The following MEI4 variants were observed in gnomAD, a reference collection of about 807,000 sequenced individuals.
MEI4 encodes the protein meiotic double-stranded break formation protein 4.
Under a neutral mutation model 31.4 loss-of-function variants are expected in MEI4, and 27 were observed. The ratio of observed to expected loss-of-function variants is 0.86; its 90% confidence interval spans 0.63 to 1.19. MEI4 has a LOEUF of 1.19. Ranked by LOEUF, MEI4 falls within the 50% of genes most tolerant of loss-of-function variation. MEI4 has a pLI of 0.00. For synonymous variants in MEI4, 122 were observed against 145.4 expected (o/e 0.84, Z 1.16); for missense variants, 329 against 398.9 (o/e 0.82, Z 1.49).
chr6:77,770,429 T>C (rs904964348), intron 3 of MEI4, among the ~76,000 whole-genome samples: 1 of 152,100 alleles, frequency 6.6e-6, no homozygotes, highest in Admixed American at 6.5e-5. Context: ...TTTAAATTTC[T>C]ATACTGCCCA....
intron 2 of MEI4, among the ~76,000 whole-genome samples, chr6:77,755,342 A>T (rs971985851): frequency 2.0e-5 from 3 of 152,208 alleles, no homozygotes; most frequent in Non-Finnish European, 4.4e-5. Context: ...CAGCAAAATG[A>T]AATATAAAGT....
chr6:77,821,212 G>A (rs1354655185), intron 3 of MEI4, among the ~76,000 whole-genome samples: 1 of 151,956 alleles, frequency 6.6e-6, no homozygotes, highest in Non-Finnish European at 1.5e-5. Flanking sequence ...TATCAGATAA[G>A]TGTAATTAAT....
intron 1 of MEI4, among the ~76,000 whole-genome samples, chr6:77,688,381 T>C (rs1486830944): frequency 6.6e-6 from 1 of 152,114 alleles, no homozygotes; most frequent in Admixed American, 6.6e-5. Context: ...AATTATTTCT[T>C]TTCATTTGTA....
At chr6:77,756,825 C>T (rs922959266) in intron 2 of MEI4, among the ~76,000 whole-genome samples, 19 of 152,246 alleles carry the variant, frequency 1.2e-4, no homozygotes, top group African/African-American at 4.3e-4. Flanking sequence ...CCTGTTATAG[C>T]CCACAGCAAG....
chr6:77,808,161 T>C (rs1196791171), intron 3 of MEI4, among the ~76,000 whole-genome samples: 2 of 152,190 alleles, frequency 1.3e-5, no homozygotes, highest in Non-Finnish European at 2.9e-5. Context: ...GTTACAAATA[T>C]GATGGAATAT....
At chr6:77,887,736 T>C (rs1323420752) in intron 4 of MEI4, among the ~76,000 whole-genome samples, 3 of 152,240 alleles carry the variant, frequency 2.0e-5, no homozygotes, top group African/African-American at 7.2e-5. Flanking sequence ...TGTTGGTTAG[T>C]ATAATGTGTA....
intron 3 of MEI4, among the ~76,000 whole-genome samples, chr6:77,811,202 A>G (rs528495657): frequency 3.3e-5 from 5 of 152,270 alleles, no homozygotes; most frequent in Admixed American, 1.3e-4. Context: ...CAGATTGTCA[A>G]AGGTCTTGGT....
intron 2 of MEI4, among the ~76,000 whole-genome samples, chr6:77,734,049 T>C (rs200407995): frequency 0.15 from 22,742 of 151,772 alleles, 2,113 homozygotes; most frequent in East Asian, 0.4. Context: ...TACTTCCAAG[T>C]ATGTGGTCAG....
At position 77,916,000 on chromosome 6, in the gene MEI4, C is replaced by A. The variant is rs1235613375; in HGVS notation, c.901-7089C>A. Among the ~76,000 whole-genome samples the A allele has an allele frequency of 4.6e-5, 7 of 151,958 alleles. No homozygotes were observed. In the East Asian group the frequency reaches 1.4e-3, roughly 29 times the overall value. On this transcript the variant is annotated intron_variant, in intron 4 of 4. Coordinates refer to ENST00000684080, the MANE Select transcript of MEI4 (RefSeq NM_001322247.2). ...TGTCTGACTGGGTTGTTTCAAAAAA[C>A]CTATTTTCAAGTTCTGGATTTTTTA...
In MEI4 at chr6:77,833,826, C is replaced by T. The variant is rs138780512; in HGVS notation, c.900+4764C>T. Among the ~76,000 whole-genome samples the T allele has an allele frequency of 3.3e-3, 500 of 152,258 alleles. 2 individuals carry two copies. The highest frequency in any genetic ancestry group is 0.012 in the African/African-American group (484 of 41,570). ...ACAGGCCCAGGTGTATGATGTTCCC[C>T]TCCCTGGGTCCATGTGTTCTCATTG... On this transcript the variant is annotated intron_variant, in intron 4 of 4. Coordinates refer to ENST00000684080, the MANE Select transcript of MEI4 (RefSeq NM_001322247.2).
chr6:77,794,449 G>A (rs527756314), intron 3 of MEI4, among the ~76,000 whole-genome samples: 1 of 152,202 alleles, frequency 6.6e-6, no homozygotes, highest in South Asian at 2.1e-4. Context: ...TGTAGTCCCA[G>A]CTACTCGGGA....
chr6:77,819,670 C>G (rs898619208), intron 3 of MEI4, among the ~76,000 whole-genome samples: 2 of 152,100 alleles, frequency 1.3e-5, no homozygotes, highest in Non-Finnish European at 1.5e-5. Flanking sequence ...TTGGCAGATA[C>G]CTTTCCTTTA....
chr6:77,728,833 A>G (rs1342388018), intron 2 of MEI4, among the ~76,000 whole-genome samples: 1 of 152,200 alleles, frequency 6.6e-6, no homozygotes, highest in African/African-American at 2.4e-5. Context: ...CACCTGTTCC[A>G]GTGGGTAGGA....
At chr6:77,688,631 A>C (rs1769102428) in intron 1 of MEI4, among the ~76,000 whole-genome samples, 1 of 152,064 alleles carries the variant, frequency 6.6e-6, no homozygotes, top group African/African-American at 2.4e-5. Context: ...TATCCAGAGA[A>C]CTTTGTCCTC....
At chr6:77,702,944 T>A (rs1766257294) in intron 2 of MEI4, among the ~76,000 whole-genome samples, 1 of 152,216 alleles carries the variant, frequency 6.6e-6, no homozygotes, top group Non-Finnish European at 1.5e-5. Flanking sequence ...TCGATACCAC[T>A]TTTGTCTTCA....
intron 2 of MEI4, among the ~76,000 whole-genome samples, chr6:77,728,877 T>C (rs764969425): frequency 5.9e-5 from 9 of 151,786 alleles, no homozygotes; most frequent in African/African-American, 1.2e-4. Context: ...TGGTGAACTT[T>C]AGGAGTTTTA....
intron 4 of MEI4, among the ~76,000 whole-genome samples, chr6:77,885,404 C>T (rs1423290531): frequency 6.6e-6 from 1 of 151,994 alleles, no homozygotes; most frequent in Non-Finnish European, 1.5e-5. Context: ...GTTGCCCAGG[C>T]TGGTCTCAAA....
chr6:77,782,750 C>T (rs1768626353), intron 3 of MEI4, among the ~76,000 whole-genome samples: 1 of 152,086 alleles, frequency 6.6e-6, no homozygotes, highest in Admixed American at 6.6e-5. Context: ...GAAACATAGC[C>T]ATTGCTGATA....
intron 3 of MEI4, among the ~76,000 whole-genome samples, chr6:77,802,061 A>G (rs955189206): frequency 1.3e-5 from 2 of 152,110 alleles, no homozygotes; most frequent in African/African-American, 4.8e-5. Context: ...TCTAATGTTG[A>G]CAGTGGGTTG....
Sources: allele counts gnomAD v4.1 joint callset (sites outside exome capture counted in the v4.1 genomes callset), GRCh38; gene constraint gnomAD v4.1.1; transcripts MANE v1.5; gene names NCBI Gene and HGNC (gene_info 2026-07-23, HGNC 2026-07-21).